Variants in CLVS1 observed in about 807,000 individuals in gnomAD.
The protein encoded by CLVS1 is clavesin-1.
Under a neutral mutation model 33.1 loss-of-function variants are expected in CLVS1, and 10 were observed. That is an observed-to-expected ratio of 0.30 (90% confidence interval 0.19 to 0.51). CLVS1 has a LOEUF of 0.51. Among genes scored for constraint, CLVS1 ranks in the 20% least tolerant of loss-of-function variants. CLVS1 has a pLI of 0.97. For synonymous variants in CLVS1, 163 were observed against 166.1 expected (o/e 0.98, Z 0.14); for missense variants, 343 against 433.4 (o/e 0.79, Z 1.85).
intron 2 of CLVS1, among the ~76,000 whole-genome samples, chr8:61,344,138 C>G (rs1051582583): frequency 9.2e-5 from 14 of 151,998 alleles, no homozygotes; most frequent in Non-Finnish European, 1.8e-4. Flanking sequence ...GGATTTGGCA[C>G]TATCATTTCA....
intron 1 of CLVS1, among the ~76,000 whole-genome samples, chr8:61,126,676 G>A (rs936076430): frequency 6.6e-6 from 1 of 152,196 alleles, no homozygotes; most frequent in African/African-American, 2.4e-5. Flanking sequence ...TGTATTTAAA[G>A]TCCGGGAAAA....
the CLVS1 span, among the ~76,000 whole-genome samples, chr8:61,041,963 C>T: frequency 2.0e-5 from 3 of 151,978 alleles, no homozygotes; most frequent in African/African-American, 4.8e-5. Flanking sequence ...AGTTTTGAAC[C>T]CCCTGTCATT....
At chr8:61,216,306 G>A (rs550036786) in intron 2 of CLVS1, among the ~76,000 whole-genome samples, 9 of 152,330 alleles carry the variant, frequency 5.9e-5, no homozygotes, top group Admixed American at 5.2e-4. Flanking sequence ...TTAAGAATAA[G>A]TTGGAAGATC....
intron 3 of CLVS1, among the ~76,000 whole-genome samples, chr8:61,429,060 C>T (rs1563549483): frequency 6.6e-6 from 1 of 152,054 alleles, no homozygotes; most frequent in Non-Finnish European, 1.5e-5. Flanking sequence ...GTTGAGAAGT[C>T]CCATATCAGG....
At chr8:61,111,452 G>A (rs1278195922) in intron 1 of CLVS1, among the ~76,000 whole-genome samples, 1 of 152,098 alleles carries the variant, frequency 6.6e-6, no homozygotes, top group Non-Finnish European at 1.5e-5. Flanking sequence ...CTTCAGATTT[G>A]GGACAAAATA....
At chr8:61,434,493 G>T (rs1291131208) in intron 3 of CLVS1, among the ~76,000 whole-genome samples, 2 of 152,138 alleles carry the variant, frequency 1.3e-5, no homozygotes, top group Non-Finnish European at 2.9e-5. Flanking sequence ...CAAGGTGGTT[G>T]GGGTATAGCT....
Position 61,454,132 on chromosome 8 carries a change from C to G in CLVS1, c.631-9C>G, listed in dbSNP as rs2129607022. The G allele has an allele frequency of 6.2e-7, 1 of 1,601,994 alleles. No individual in the cohort carries two copies. The highest frequency in any genetic ancestry group is 8.6e-7 in the Non-Finnish European group (1 of 1,168,888). ...CTAATCGGTGTGCATTTCTCTCTTT[C>G]TGCCCCAGGACAGCTTTCCTGCCCG... is the stretch of plus-strand genomic sequence containing the variant. On this transcript the variant is annotated splice_polypyrimidine_tract_variant and intron_variant, in intron 3 of 5. Transcript: ENST00000325897.
At chr8:61,321,500 G>A (rs1046784014) in intron 2 of CLVS1, among the ~76,000 whole-genome samples, 20 of 151,678 alleles carry the variant, frequency 1.3e-4, no homozygotes, top group Non-Finnish European at 2.9e-4. Context: ...GCGTGGGAAT[G>A]GTTGTTATTC....
chr8:61,031,415 G>C, the CLVS1 span, among the ~76,000 whole-genome samples: 11 of 152,092 alleles, frequency 7.2e-5, no homozygotes, highest in Non-Finnish European at 4.4e-5. Context: ...ACCTGCCTCC[G>C]TTCCCCACCT....
rs755946139 is a variant in CLVS1, at chr8:61,343,107, A to C, written c.456-33498A>C. On this transcript the variant is annotated intron_variant, in intron 2 of 5. Coordinates refer to ENST00000325897, the MANE Select transcript of CLVS1 (RefSeq NM_173519.3). ...ACAAAACAAATATGACTTCAAAGTA[A>C]CTTTGGGTATATTTTATTTAGCATT... Among the ~76,000 whole-genome samples the C allele has an allele frequency of 9.2e-5, 14 of 152,366 alleles. No homozygotes were observed. In the South Asian group the frequency reaches 1.2e-3, roughly 14 times the overall value.
intron 1 of CLVS1, among the ~76,000 whole-genome samples, chr8:61,097,632 G>A (rs1805377096): frequency 6.6e-6 from 1 of 152,188 alleles, no homozygotes; most frequent in South Asian, 2.1e-4. Flanking sequence ...TTGGATTTGA[G>A]TCTCTCATCT....
At chr8:61,109,213 CT>C (rs961487545) in intron 1 of CLVS1, among the ~76,000 whole-genome samples, 10 of 150,798 alleles carry the variant, frequency 6.6e-5, no homozygotes, top group Admixed American at 3.3e-4. Context: ...TGTGCACTTC[CT>C]TTTTTTTTCA....
At chr8:61,184,694 A>C (rs1463733915) in intron 2 of CLVS1, among the ~76,000 whole-genome samples, 1 of 152,152 alleles carries the variant, frequency 6.6e-6, no homozygotes, top group Non-Finnish European at 1.5e-5. Context: ...ACCGCCAAAC[A>C]AAAGATGCCA....
intron 2 of CLVS1, among the ~76,000 whole-genome samples, chr8:61,261,226 C>A (rs1410005329): frequency 6.6e-6 from 1 of 152,170 alleles, no homozygotes; most frequent in Non-Finnish European, 1.5e-5. Flanking sequence ...CATCCCTTTA[C>A]CTTGCTGTGC....
At chr8:61,346,566 T>G (rs1189547992) in intron 2 of CLVS1, among the ~76,000 whole-genome samples, 1 of 152,144 alleles carries the variant, frequency 6.6e-6, no homozygotes, top group African/African-American at 2.4e-5. Flanking sequence ...CAGCACACAA[T>G]TAATTTCTGT....
chr8:60,997,300 T>C, the CLVS1 span, among the ~76,000 whole-genome samples: 1 of 152,226 alleles, frequency 6.6e-6, no homozygotes, highest in South Asian at 2.1e-4. Context: ...CCGGCAGACA[T>C]GCTGGGAATC....
At chr8:61,181,908 A>T (rs886173230) in intron 2 of CLVS1, among the ~76,000 whole-genome samples, 1 of 151,834 alleles carries the variant, frequency 6.6e-6, no homozygotes, top group Admixed American at 6.6e-5. Context: ...TCACTGTGTT[A>T]GCCAGGATGG....
intron 5 of CLVS1, among the ~76,000 whole-genome samples, chr8:61,464,006 G>A (rs977801457): frequency 6.6e-6 from 1 of 150,566 alleles, no homozygotes; most frequent in African/African-American, 2.5e-5. Flanking sequence ...CTGGGCGGGT[G>A]GAGGTTGTAG....
chr8:61,316,866 C>T lies in CLVS1; in HGVS notation c.455+16584C>T, dbSNP rs1477001285. ...GACAAGTTAATTTAAACACTCTGTG[C>T]CTCAATTTTCTCACCTATAAAATAA... On this transcript the variant is annotated intron_variant, in intron 2 of 5. Coordinates refer to ENST00000325897, the MANE Select transcript of CLVS1 (RefSeq NM_173519.3). 3.3e-5 allele frequency among the ~76,000 whole-genome samples: 5 copies of T among 152,202 alleles called. No homozygotes were observed. The East Asian group carries it at 9.7e-4, about 29-fold the overall frequency.
Sources: gnomAD v4.1 joint callset for allele counts (sites outside exome capture counted in the v4.1 genomes callset) on GRCh38, gnomAD v4.1.1 for gene constraint, MANE v1.5 for transcripts, NCBI Gene and HGNC (gene_info 2026-07-23, HGNC 2026-07-21) for gene names.